PUM2: variants seen among roughly 807,000 people sequenced by gnomAD.
The protein encoded by PUM2 is pumilio RNA binding family member 2.
PUM2 carries 57 observed loss-of-function variants against 124.5 expected under a neutral mutation model. The ratio of observed to expected loss-of-function variants is 0.46; its 90% CI spans 0.37 to 0.57. The LOEUF is 0.57. PUM2 is among the 20% of genes least tolerant of loss of function. The probability of loss-of-function intolerance (pLI) is 0.00; values close to 1 mark genes in which losing one functional copy is unlikely to be tolerated. For missense variants in PUM2, 1,065 were observed against 1,290.6 expected (o/e 0.83, Z 2.68); for synonymous variants, 460 against 446.1 (o/e 1.03, Z -0.39).
At chr2:20,317,739 T>C (rs1003840505) in intron 3 of PUM2, among the ~76,000 whole-genome samples, 3 of 152,110 alleles carry the variant, frequency 2.0e-5, no homozygotes, top group Admixed American at 2.0e-4. Context: ...CCTATGTCTG[T>C]TGTTCCCCTC....
At chr2:20,340,444 T>C (rs988765885) in intron 1 of PUM2, among the ~76,000 whole-genome samples, 5 of 152,232 alleles carry the variant, frequency 3.3e-5, no homozygotes, top group Admixed American at 1.3e-4. Context: ...AAGACTTAAA[T>C]GCACTAACAG....
rs2148864579 is a variant in PUM2 at position 20,327,453 on chromosome 2, TTGC to T, written c.-18-78_-18-76del. 5 of 911,618 alleles carry T rather than the reference TTGC, an allele frequency of 5.5e-6. No homozygotes were observed. The East Asian group carries it at 1.3e-4, about 23-fold the overall frequency. The allele number at this position is 911,618 out of a possible 1,614,324, so 56.5% of individuals were successfully genotyped here. ...CTTCTTCAACTATTTTTATATTATATTGCTGCTATGACTAATATTAGCATGATC... is the reference window on the plus strand; with the variant it reads ...CTTCTTCAACTATTTTTATATTATATTGCTATGACTAATATTAGCATGATC... On this transcript the variant is annotated intron_variant, in intron 1 of 20. Coordinates refer to ENST00000361078, the MANE Select transcript of PUM2 (RefSeq NM_015317.5).
At chr2:20,308,224 C>A in intron 6 of PUM2, 90 bp downstream of exon 6, 1 of 1,500,526 alleles carries the variant, frequency 6.7e-7, no homozygotes, top group Non-Finnish European at 9.0e-7. Context: ...ACTCAAAAAC[C>A]CCTACCATTC....
At chr2:20,339,161 C>A (rs993072864) in intron 1 of PUM2, among the ~76,000 whole-genome samples, 6 of 151,846 alleles carry the variant, frequency 4.0e-5, no homozygotes, top group Non-Finnish European at 7.4e-5. Context: ...ATGAGCAAGA[C>A]TAGATTTTTC....
At chr2:20,290,918 G>T in intron 9 of PUM2, 128 bp from the exon 10 acceptor site, 1 of 738,134 alleles carries the variant, frequency 1.4e-6, no homozygotes, top group Admixed American at 3.7e-5. Flanking sequence ...GCAAGGAAAT[G>T]TAGATTTAGC....
intron 1 of PUM2, among the ~76,000 whole-genome samples, chr2:20,348,669 C>A (rs141489056): frequency 2.0e-5 from 3 of 152,386 alleles, no homozygotes; most frequent in Non-Finnish European, 2.9e-5. Flanking sequence ...GTGGCTCACG[C>A]CTGTAATCCC....
At chr2:20,299,611 T>G (rs1676471452) in intron 7 of PUM2, among the ~76,000 whole-genome samples, 1 of 152,110 alleles carries the variant, frequency 6.6e-6, no homozygotes, top group Admixed American at 6.5e-5. Context: ...GAGGTTGCAG[T>G]GAGCCAAGAT....
intron 2 of PUM2, among the ~76,000 whole-genome samples, chr2:20,322,050 A>G (rs1232308922): frequency 6.6e-6 from 1 of 152,212 alleles, no homozygotes; most frequent in Non-Finnish European, 1.5e-5. Flanking sequence ...GACTTTTTAA[A>G]TTGTTATGGA....
chr2:20,335,177 A>G (rs1181506717), intron 1 of PUM2, among the ~76,000 whole-genome samples: 2 of 152,190 alleles, frequency 1.3e-5, no homozygotes, highest in Non-Finnish European at 2.9e-5. Context: ...CTCCTGCCTC[A>G]GCCCCTCAAA....
chr2:20,253,000 T>C (rs1663826499), intron 20 of PUM2, among the ~76,000 whole-genome samples: 1 of 152,220 alleles, frequency 6.6e-6, no homozygotes, highest in South Asian at 2.1e-4. Flanking sequence ...AGGATATGTT[T>C]AGGTTATATG....
chr2:20,286,701 T>C (rs1672817512), intron 10 of PUM2, among the ~76,000 whole-genome samples: 1 of 152,200 alleles, frequency 6.6e-6, no homozygotes, highest in Non-Finnish European at 1.5e-5. Flanking sequence ...TTTGGTTTTA[T>C]TCTCTCTCTT....
chr2:20,317,849 G>A (rs1244169953), intron 3 of PUM2, among the ~76,000 whole-genome samples: 1 of 152,098 alleles, frequency 6.6e-6, no homozygotes, highest in Non-Finnish European at 1.5e-5. Flanking sequence ...CATCCATGTT[G>A]CTGCAAAGGA....
chr2:20,296,638 T>C (rs1273835985), intron 8 of PUM2, among the ~76,000 whole-genome samples: 1 of 150,370 alleles, frequency 6.7e-6, no homozygotes, highest in Non-Finnish European at 1.5e-5. Context: ...CCTCAAGTTT[T>C]GAAAGTCAGC....
At position 20,253,989 on chromosome 2, in the gene PUM2, G is replaced by A. The variant is rs1218205216; in HGVS notation, c.2896C>T (p.His966Tyr). 1 of 1,612,772 alleles carries A rather than the reference G, an allele frequency of 6.2e-7. No individual in the cohort carries two copies. Among genetic ancestry groups the A allele is most frequent in the Non-Finnish European group, 8.5e-7 (1 of 1,179,620 alleles). Residue 966 changes from histidine to tyrosine, a missense_variant, in exon 20 of 21, where the codon CAT becomes TAT. Transcript: ENST00000361078. ...AAAGCTCTCTCAGCACGGGAGGCAT[G>A]AGTAACACACTTTTCTACTACATTG... Reference protein sequence around the residue: ...ASNVVEKCVTHASRAERALLI... With the variant: ...ASNVVEKCVTYASRAERALLI...
chr2:20,347,566 G>C (rs1348944890), intron 1 of PUM2, among the ~76,000 whole-genome samples: 1 of 152,162 alleles, frequency 6.6e-6, no homozygotes, highest in Non-Finnish European at 1.5e-5. Flanking sequence ...ACTGTCTCCT[G>C]TCTATATATA....
chr2:20,345,821 G>A (rs199865097), intron 1 of PUM2, among the ~76,000 whole-genome samples: 10 of 152,160 alleles, frequency 6.6e-5, no homozygotes, highest in East Asian at 1.9e-4. Flanking sequence ...GCAGTGAGCC[G>A]AGATCACGCC....
chr2:20,321,267 C>A (rs952537064), intron 2 of PUM2, among the ~76,000 whole-genome samples: 4 of 151,776 alleles, frequency 2.6e-5, no homozygotes, highest in Non-Finnish European at 5.9e-5. Context: ...AGCCTGGCGA[C>A]AGAGCGAGAC....
chr2:20,308,181 AT>A, intron 6 of PUM2, 110 bp from the exon 7 acceptor site: 5 of 1,476,640 alleles, frequency 3.4e-6, no homozygotes, highest in Non-Finnish European at 4.6e-6. Context: ...ACTTTCTCAA[AT>A]ACAGGACACT....
upstream of PUM2, among the ~76,000 whole-genome samples, chr2:20,351,528 C>G (rs1316455160): frequency 3.9e-5 from 6 of 152,220 alleles, no homozygotes; most frequent in Non-Finnish European, 8.8e-5. Context: ...GATTCTCACT[C>G]GTTGGCTGTT....
Sources: gnomAD v4.1 joint callset for allele counts (sites outside exome capture counted in the v4.1 genomes callset) on GRCh38, gnomAD v4.1.1 for gene constraint, MANE v1.5 for transcripts, NCBI Gene and HGNC (gene_info 2026-07-23, HGNC 2026-07-21) for gene names.